The following SPAG17 variants were observed in gnomAD, a reference collection of about 807,000 sequenced individuals.
The protein encoded by SPAG17 is sperm associated antigen 17.
Under a neutral mutation model 273.6 loss-of-function variants are expected in SPAG17, and 169 were observed. That is an observed-to-expected ratio of 0.62 (90% CI 0.55 to 0.70). The LOEUF is 0.70. Ranked by LOEUF, SPAG17 falls within the 30% of genes least tolerant of loss-of-function variation. The pLI, the probability that SPAG17 is intolerant of heterozygous loss-of-function variation, is 0.00. For missense variants in SPAG17, 2,557 were observed against 2,627.8 expected (o/e 0.97, Z 0.59); for synonymous variants, 825 against 873.2 (o/e 0.94, Z 0.97).
At chr1:118,064,386 C>G (rs1453045322) in intron 18 of SPAG17, among the ~76,000 whole-genome samples, 1 of 151,134 alleles carries the variant, frequency 6.6e-6, no homozygotes, top group African/African-American at 2.4e-5. Context: ...CACATATACA[C>G]CATGGAATAC....
At chr1:117,969,854 G>C (rs531620576) in intron 46 of SPAG17, among the ~76,000 whole-genome samples, 1 of 152,260 alleles carries the variant, frequency 6.6e-6, no homozygotes, top group Non-Finnish European at 1.5e-5. Context: ...TTGGTCTCAT[G>C]GTTACTACAT....
At chr1:118,086,641 T>C in intron 12 of SPAG17, 30 bp downstream of exon 12, 1 of 1,592,014 alleles carries the variant, frequency 6.3e-7, no homozygotes, top group South Asian at 1.1e-5. Context: ...CCCACATCGG[T>C]TTTCCTTGGG....
chr1:118,167,947 C>G (rs935999632), intron 1 of SPAG17, among the ~76,000 whole-genome samples: 1 of 152,160 alleles, frequency 6.6e-6, no homozygotes, highest in South Asian at 2.1e-4. Flanking sequence ...TCCGCTCACT[C>G]TCTTGTCCCT....
In SPAG17 at chr1:118,086,788, T is replaced by C. The variant is rs371635834; in HGVS notation, c.1498-4A>G. 690 of 1,614,082 alleles carry C rather than the reference T, an allele frequency of 4.3e-4. No homozygotes were observed. The African/African-American group carries it at 7.8e-3, about 18-fold the overall frequency. ...ATAAAAATATGTCATGAAGATTCTA[T>C]GCAAATTGAAACAATATTGATTTAA... is the stretch of plus-strand genomic sequence containing the variant. On this transcript the variant is annotated splice_region_variant and splice_polypyrimidine_tract_variant and intron_variant, in intron 11 of 48. Transcript: ENST00000336338.
At chr1:118,023,883 T>C (rs967209603) in intron 27 of SPAG17, among the ~76,000 whole-genome samples, 2 of 152,190 alleles carry the variant, frequency 1.3e-5, no homozygotes, top group African/African-American at 4.8e-5. Context: ...CTATCTAGTT[T>C]GTACAGTGTC....
chr1:117,955,985 C>T (rs1294872764), intron 48 of SPAG17, among the ~76,000 whole-genome samples: 4 of 152,080 alleles, frequency 2.6e-5, no homozygotes, highest in African/African-American at 9.7e-5. Context: ...AATTACTTTC[C>T]AGGGTGATTA....
intron 4 of SPAG17, among the ~76,000 whole-genome samples, chr1:118,114,847 G>A (rs1308710805): frequency 1.3e-5 from 2 of 152,144 alleles, no homozygotes; most frequent in East Asian, 1.9e-4. Context: ...GTGATGGATT[G>A]CTGCTGAAAT....
rs184334777 is a variant in SPAG17, at chr1:118,053,099, C to A, written c.2814+903G>T. 4.2e-3 allele frequency among the ~76,000 whole-genome samples: 633 copies of A among 152,042 alleles called. 5 individuals carry two copies. Among genetic ancestry groups the A allele is most frequent in the African/African-American group, 0.015 (605 of 41,538 alleles). Reference sequence around the variant, plus strand: ...TGAGTTTTTTATAGAAATGCAAATGCAACTTGTGTTGTTAAATCAATCTCT... The same window carrying A: ...TGAGTTTTTTATAGAAATGCAAATGAAACTTGTGTTGTTAAATCAATCTCT... On this transcript the variant is annotated intron_variant, in intron 20 of 48. Transcript: ENST00000336338.
At chr1:118,070,991 G>T (rs529157009) in intron 17 of SPAG17, among the ~76,000 whole-genome samples, 1 of 152,092 alleles carries the variant, frequency 6.6e-6, no homozygotes, top group Admixed American at 6.5e-5. Context: ...TGACAGGAAG[G>T]CTTATGTCTT....
intron 3 of SPAG17, among the ~76,000 whole-genome samples, chr1:118,127,611 A>G (rs891230264): frequency 6.6e-6 from 1 of 152,230 alleles, no homozygotes; most frequent in Non-Finnish European, 1.5e-5. Context: ...GGGTAGGGAC[A>G]AATATCTAAA....
At chr1:118,098,671 G>A (rs6698869) in intron 6 of SPAG17, among the ~76,000 whole-genome samples, 7 of 152,158 alleles carry the variant, frequency 4.6e-5, no homozygotes, top group African/African-American at 1.7e-4. Flanking sequence ...CCTCTAGACT[G>A]AGAGTCCATT....
chr1:117,975,397 T>C (rs1468173193), intron 43 of SPAG17, among the ~76,000 whole-genome samples: 4 of 152,230 alleles, frequency 2.6e-5, no homozygotes, highest in Admixed American at 2.0e-4. Context: ...GTTTTAGTTC[T>C]CATGGCTGTA....
rs1377402189 is a variant in SPAG17, at chr1:117,994,541, G to C, written c.5054-11C>G. The C allele has an allele frequency of 6.2e-7, 1 of 1,601,384 alleles. No individual in the cohort carries two copies. Among genetic ancestry groups the C allele is most frequent in the Non-Finnish European group, 8.5e-7 (1 of 1,175,544 alleles). ...TGATGGTTAGGGTGCCTGGTTCAAA[G>C]AAAGTTGTCAGAAGACCATTACCCA... On this transcript the variant is annotated splice_polypyrimidine_tract_variant and intron_variant, in intron 34 of 48. Transcript: ENST00000336338.
intron 26 of SPAG17, among the ~76,000 whole-genome samples, chr1:118,026,691 A>G (rs1016491321): frequency 3.9e-5 from 6 of 152,184 alleles, no homozygotes; most frequent in African/African-American, 1.4e-4. Flanking sequence ...GTGACCATCC[A>G]GCACTAAGGA....
intron 30 of SPAG17, among the ~76,000 whole-genome samples, chr1:118,011,334 G>A (rs72631717): frequency 0.071 from 10,841 of 152,200 alleles, 579 homozygotes; most frequent in East Asian, 0.31. Context: ...ATGCCCATCA[G>A]TGGTAGACTG....
chr1:117,955,139 A>G, intron 48 of SPAG17: 2 of 497,142 alleles, frequency 4.0e-6, no homozygotes, highest in South Asian at 4.0e-5. Flanking sequence ...TAAGGGGCAG[A>G]GTTCAGTTGT....
chr1:118,129,856 T>G (rs1214092703), intron 3 of SPAG17, among the ~76,000 whole-genome samples: 1 of 152,046 alleles, frequency 6.6e-6, no homozygotes, highest in Admixed American at 6.6e-5. Context: ...TTAGACTTAC[T>G]AAGCTGCCCC....
At chr1:118,091,500 C>T (rs1437855030) in intron 10 of SPAG17, 106 bp downstream of exon 10, 1 of 645,750 alleles carries the variant, frequency 1.5e-6, no homozygotes, top group East Asian at 2.7e-5. Flanking sequence ...AAGGAGAATG[C>T]ACTTAGGTAT....
At chr1:118,146,845 T>TCC (rs1401603741) in intron 3 of SPAG17, among the ~76,000 whole-genome samples, 3 of 152,196 alleles carry the variant, frequency 2.0e-5, no homozygotes, top group African/African-American at 7.2e-5. Flanking sequence ...ATTTTATCTT[T>TCC]CCTTTTAGAA....
Sources: allele counts gnomAD v4.1 joint callset (sites outside exome capture counted in the v4.1 genomes callset), GRCh38; gene constraint gnomAD v4.1.1; transcripts MANE v1.5; gene names NCBI Gene and HGNC (gene_info 2026-07-23, HGNC 2026-07-21).